APCDD1: variants seen among roughly 807,000 people sequenced by gnomAD.
APCDD1 encodes APC down-regulated 1.
Under a neutral mutation model 38.1 loss-of-function variants are expected in APCDD1, and 15 were observed. The ratio of observed to expected loss-of-function variants is 0.39; its 90% CI spans 0.26 to 0.61. APCDD1 has a LOEUF of 0.61. Ranked by LOEUF, APCDD1 falls within the 20% of genes least tolerant of loss-of-function variation. APCDD1 has a pLI of 0.49. For synonymous variants in APCDD1, 261 were observed against 279.7 expected (o/e 0.93, Z 0.67); for missense variants, 647 against 696.2 (o/e 0.93, Z 0.79).
intron 3 of APCDD1, among the ~76,000 whole-genome samples, chr18:10,481,814 T>G (rs1426246423): frequency 1.4e-5 from 2 of 143,762 alleles, no homozygotes; most frequent in Non-Finnish European, 3.1e-5. Context: ...GCGCCTGTGC[T>G]CTCCACAAGA....
intron 4 of APCDD1, 55 bp from the exon 5 acceptor site, chr18:10,487,535 T>A: frequency 6.3e-7 from 1 of 1,582,070 alleles, no homozygotes; most frequent in East Asian, 2.2e-5. Flanking sequence ...TGGGTGGGTT[T>A]CTGGATCCCA....
In APCDD1 at chr18:10,470,291, C is replaced by A. The variant is rs2030819557; in HGVS notation, c.243-1239C>A. On this transcript the variant is annotated intron_variant, in intron 2 of 4. Transcript: ENST00000355285. This position sits in a 1 kb window ranked among gnomAD's most constrained non-coding sequence, Gnocchi z 4.1. ...CTCATCTAACATGAATCACTGCTTA[C>A]ACTAAACTTCTCTTTCCTTGTGGGA... Among the ~76,000 whole-genome samples the A allele has an allele frequency of 6.6e-6, 1 of 152,200 alleles. No homozygotes were observed. The highest frequency in any genetic ancestry group is 2.1e-4 in the South Asian group (1 of 4,830).
chr18:10,458,657 T>G (rs916744737), intron 1 of APCDD1, among the ~76,000 whole-genome samples: 1 of 152,188 alleles, frequency 6.6e-6, no homozygotes, highest in East Asian at 1.9e-4. Context: ...AGAAAAGAAC[T>G]AAATATAGGT....
intron 3 of APCDD1, among the ~76,000 whole-genome samples, chr18:10,479,485 GT>G: frequency 1.3e-5 from 2 of 152,324 alleles, no homozygotes; most frequent in South Asian, 4.1e-4. Flanking sequence ...GAAATAAACA[GT>G]GGCAGGGAAC....
At chr18:10,477,957 T>C (rs1239604532) in intron 3 of APCDD1, 2 of 152,172 alleles carry the variant, frequency 1.3e-5, no homozygotes, top group African/African-American at 4.8e-5. Context: ...GGCAAAATGG[T>C]CTTTTTTATT....
In APCDD1 at chr18:10,467,488, G is replaced by A. The variant is rs562300343; in HGVS notation, c.59-981G>A. ...TCAGGAGTGAATATCAGAGGAGACC[G>A]TGGCTTTCAGATAATAATTCCACCA... On this transcript the variant is annotated intron_variant, in intron 1 of 4. Coordinates refer to ENST00000355285, the MANE Select transcript of APCDD1 (RefSeq NM_153000.5). This position sits in a 1 kb window ranked among gnomAD's most constrained non-coding sequence, Gnocchi z 4.8. Among the ~76,000 whole-genome samples, 220 of 152,312 alleles carry A rather than the reference G, an allele frequency of 1.4e-3. No individual in the cohort carries two copies. Among genetic ancestry groups the A allele is most frequent in the Non-Finnish European group, 2.5e-3 (172 of 68,020 alleles).
At chr18:10,481,190 A>C (rs546836525) in intron 3 of APCDD1, among the ~76,000 whole-genome samples, 3 of 152,322 alleles carry the variant, frequency 2.0e-5, no homozygotes, top group Non-Finnish European at 4.4e-5. Flanking sequence ...TGATCCACCT[A>C]TTCTCCTTCT....
At chr18:10,455,168 G>C in intron 1 of APCDD1, 129 bp downstream of exon 1, 2 of 1,398,540 alleles carry the variant, frequency 1.4e-6, no homozygotes, top group Non-Finnish European at 1.9e-6. Context: ...GCGGGTCCGA[G>C]GGGAGCCCCG....
chr18:10,471,961 A>G lies in APCDD1; in HGVS notation c.674A>G (p.His225Arg), dbSNP rs2030869479. ...CAGTACCTTCACCACAACCTCGACC[A>G]CCTGGTCGAGGAGCTCTTCCTTGGT... ...EKQYLHHNLD[H>R]LVEELFLGDI... The change falls in exon 3 of 5, where the codon CAC (histidine) becomes CGC (arginine). Residue 225 changes from histidine to arginine, a missense_variant. By Grantham distance (29) the His-to-Arg change is conservative (BLOSUM62 0). Coordinates refer to ENST00000355285, the MANE Select transcript of APCDD1 (RefSeq NM_153000.5). This position sits in a 1 kb window ranked among gnomAD's most constrained non-coding sequence, Gnocchi z 5.5. 1 of 1,613,906 alleles carries G rather than the reference A, an allele frequency of 6.2e-7. No homozygotes were observed. The highest frequency in any genetic ancestry group is 8.5e-7 in the Non-Finnish European group (1 of 1,179,994).
chr18:10,464,615 C>A (rs570106270), intron 1 of APCDD1, among the ~76,000 whole-genome samples: 4 of 152,146 alleles, frequency 2.6e-5, no homozygotes, highest in Non-Finnish European at 4.4e-5. Context: ...GAGATGGGGT[C>A]TTGTTACCTT....
At chr18:10,478,648 A>G (rs2031062587) in intron 3 of APCDD1, among the ~76,000 whole-genome samples, 1 of 152,152 alleles carries the variant, frequency 6.6e-6, no homozygotes, top group Non-Finnish European at 1.5e-5. Flanking sequence ...CTCATGACCT[A>G]GTCACCCCCC....
chr18:10,482,126 G>C (rs1022946043), intron 3 of APCDD1, among the ~76,000 whole-genome samples: 1 of 152,022 alleles, frequency 6.6e-6, no homozygotes, highest in Non-Finnish European at 1.5e-5. Flanking sequence ...AAGAACTAAC[G>C]TCCCTTATTT....
chr18:10,485,716 C>T lies in APCDD1; in HGVS notation c.1029C>T (p.Ala343=), dbSNP rs764870800. The T allele has an allele frequency of 1.2e-6, 2 of 1,614,178 alleles. No individual in the cohort carries two copies. Among genetic ancestry groups the T allele is most frequent in the South Asian group, 1.1e-5 (1 of 91,090 alleles). ...AGCACCCCACCTTCTCCATCTACGCCCGGGGCCGCTACAGCCGCGGCGTCC... is the reference window on the plus strand; with the variant it reads ...AGCACCCCACCTTCTCCATCTACGCTCGGGGCCGCTACAGCCGCGGCGTCC... The part of the protein sequence containing the change: ...VCKHPTFSIY[A]RGRYSRGVLS... The change falls in exon 4 of 5, where the codon GCC becomes GCT. Residue 343 remains alanine (A), a synonymous_variant. Coordinates refer to ENST00000355285, the MANE Select transcript of APCDD1 (RefSeq NM_153000.5). This position sits in a 1 kb window ranked among gnomAD's most constrained non-coding sequence, Gnocchi z 5.8.
In APCDD1 at chr18:10,476,344, G is replaced by C. The variant is rs143063213; in HGVS notation, c.774+4283G>C. ...CAGAGTCCTTTGGCAAATAAGTGACGTTTGAAGAGATTCAGGTGTGCTGGG... is the reference window on the plus strand; with the variant it reads ...CAGAGTCCTTTGGCAAATAAGTGACCTTTGAAGAGATTCAGGTGTGCTGGG... On this transcript the variant is annotated intron_variant, in intron 3 of 4. Coordinates refer to ENST00000355285, the MANE Select transcript of APCDD1 (RefSeq NM_153000.5). This position sits in a 1 kb window ranked among gnomAD's most constrained non-coding sequence, Gnocchi z 5.8. 1 of 152,216 alleles carries C rather than the reference G, an allele frequency of 6.6e-6. No homozygotes were observed. The highest frequency in any genetic ancestry group is 2.4e-5 in the African/African-American group (1 of 41,450). 9.4% of individuals were successfully genotyped at this position (152,216 alleles called of 1,614,324 possible).
rs1172676221 is a variant in APCDD1 at position 10,467,893 on chromosome 18, A to C, written c.59-576A>C. ...AGCAGATGGAGCCAAGCCAGCAAGC[A>C]CATCCCAGCTGGGAATCTTCCTAGT... On this transcript the variant is annotated intron_variant, in intron 1 of 4. Coordinates refer to ENST00000355285, the MANE Select transcript of APCDD1 (RefSeq NM_153000.5). This position sits in a 1 kb window ranked among gnomAD's most constrained non-coding sequence, Gnocchi z 4.8. Among the ~76,000 whole-genome samples, 1 of 152,218 alleles carries C rather than the reference A, an allele frequency of 6.6e-6. No individual in the cohort carries two copies. Among genetic ancestry groups the C allele is most frequent in the Non-Finnish European group, 1.5e-5 (1 of 68,038 alleles).
intron 1 of APCDD1, among the ~76,000 whole-genome samples, chr18:10,459,991 G>C (rs1016375565): frequency 3.9e-5 from 6 of 152,196 alleles, no homozygotes; most frequent in Admixed American, 2.0e-4. Context: ...ATTATACTTA[G>C]TCCTTTTCAA....
rs1485929875 is a variant in APCDD1 at position 10,475,472 on chromosome 18, TGAAAG to T, written c.774+3414_774+3418del. 6.6e-6 allele frequency among the ~76,000 whole-genome samples: 1 copy of T among 151,918 alleles called. No individual in the cohort carries two copies. Among genetic ancestry groups the T allele is most frequent in the African/African-American group, 2.4e-5 (1 of 41,352 alleles). On this transcript the variant is annotated intron_variant, in intron 3 of 4. Transcript: ENST00000355285. The surrounding 1 kb of genome is among the most constrained non-coding windows in gnomAD (Gnocchi z 4.0). ...GATACCATCTGCATAAAACTAATAA[TGAAAG>T]GAGAAGAAGAGGGACTCTTTGCAAA...
rs1361321372 is a variant in APCDD1 at position 10,472,110 on chromosome 18, C to T, written c.774+49C>T. ...CTCTTTATTGAGTAAAGTGGGTGAT[C>T]CTTCTTAAAGGCTTGCCATGGGGGC... On this transcript the variant is annotated intron_variant, in intron 3 of 4. Transcript: ENST00000355285. The surrounding 1 kb of genome is among the most constrained non-coding windows in gnomAD (Gnocchi z 6.6). 2 of 1,610,228 alleles carry T rather than the reference C, an allele frequency of 1.2e-6. No homozygotes were observed. The highest frequency in any genetic ancestry group is 2.2e-5 in the East Asian group (1 of 44,864).
chr18:10,456,847 C>T (rs1598393578), intron 1 of APCDD1, among the ~76,000 whole-genome samples: 1 of 152,184 alleles, frequency 6.6e-6, no homozygotes, highest in Non-Finnish European at 1.5e-5. Flanking sequence ...TCCCCAGACC[C>T]CATGGTGTTG....
Sources: gnomAD v4.1 joint callset for allele counts (sites outside exome capture counted in the v4.1 genomes callset) on GRCh38, gnomAD v4.1.1 for gene constraint, Gnocchi (gnomAD v3.1) non-coding constraint, MANE v1.5 for transcripts, NCBI Gene and HGNC (gene_info 2026-07-23, HGNC 2026-07-21) for gene names.